STK32C: variants seen among roughly 807,000 people sequenced by gnomAD.
STK32C encodes serine/threonine kinase 32C.
STK32C carries 31 observed loss-of-function variants against 56.5 expected under a neutral mutation model. That is an observed-to-expected ratio of 0.55 (90% CI 0.41 to 0.74). STK32C has a LOEUF of 0.74. Ranked by LOEUF, STK32C falls within the 30% of genes least tolerant of loss-of-function variation. The pLI, the probability that STK32C is intolerant of heterozygous loss-of-function variation, is 0.00. For synonymous variants in STK32C, 309 were observed against 289.4 expected (o/e 1.07, Z -0.69); for missense variants, 544 against 676.9 (o/e 0.80, Z 2.18).
chr10:132,313,396 C>T (rs549900425), intron 1 of STK32C, among the ~76,000 whole-genome samples: 34 of 152,360 alleles, frequency 2.2e-4, no homozygotes, highest in South Asian at 8.3e-4. Context: ...ACGGGCCACA[C>T]GACAGACATT....
At chr10:132,247,709 G>A (rs903589603) in intron 1 of STK32C, among the ~76,000 whole-genome samples, 1 of 152,182 alleles carries the variant, frequency 6.6e-6, no homozygotes, top group Non-Finnish European at 1.5e-5. Context: ...GTGAGGAAGG[G>A]GCTGTGACCT....
chr10:132,234,876 G>T (rs529610144), intron 2 of STK32C, among the ~76,000 whole-genome samples: 1 of 152,376 alleles, frequency 6.6e-6, no homozygotes, highest in East Asian at 1.9e-4. Flanking sequence ...GCCCACCGGG[G>T]CAGGTGGGAA....
In STK32C at chr10:132,318,219, G is replaced by C. The variant is rs2066342616; in HGVS notation, c.301+13217C>G. On this transcript the variant is annotated intron_variant, in intron 1 of 3. Transcript: ENST00000368620. ...GGAGGTGGAGGTTGCAGTGAGCCAAGATCGCGCCACTGCACTCCAGCCTGG... is the reference window on the plus strand; with the variant it reads ...GGAGGTGGAGGTTGCAGTGAGCCAACATCGCGCCACTGCACTCCAGCCTGG... 2.0e-5 allele frequency among the ~76,000 whole-genome samples: 3 copies of C among 151,898 alleles called. No individual in the cohort carries two copies. In the South Asian group the frequency reaches 6.2e-4, roughly 32 times the overall value.
chr10:132,246,048 T>G, intron 1 of STK32C, 93 bp from the exon 2 acceptor site: 3 of 1,225,232 alleles, frequency 2.4e-6, no homozygotes, highest in South Asian at 2.4e-5. Flanking sequence ...ACCCCGACAC[T>G]GCCCAGGGCC....
intron 1 of STK32C, among the ~76,000 whole-genome samples, chr10:132,329,978 C>G (rs982102517): frequency 1.6e-5 from 2 of 124,816 alleles, no homozygotes; most frequent in Admixed American, 1.5e-4. Flanking sequence ...TAGCAGCAGT[C>G]GCTGCCCGGA....
Position 132,225,258 on chromosome 10 carries a change from A to T in STK32C, c.851T>A (p.Met284Lys). ...CCATCCTCGCAGCAGCTCATAGGCC[A>T]TCACCCCCACCGACCACCAGTCCAC... ...FEVDWWSVGVMAYELLRGWRP... is the reference protein window; with the variant it reads ...FEVDWWSVGVKAYELLRGWRP... The change falls in exon 7 of 12, where the codon ATG (methionine) becomes AAG (lysine). Residue 284 changes from methionine (M) to lysine (K), a missense_variant. Coordinates refer to ENST00000298630, the MANE Select transcript of STK32C (RefSeq NM_173575.4). 1 of 1,611,896 alleles carries T rather than the reference A, an allele frequency of 6.2e-7. No homozygotes were observed.
At chr10:132,327,088 T>G (rs1229385204) in intron 1 of STK32C, among the ~76,000 whole-genome samples, 1 of 152,196 alleles carries the variant, frequency 6.6e-6, no homozygotes, top group Non-Finnish European at 1.5e-5. Context: ...TTTGGCTGTG[T>G]CTCCACTCAA....
At chr10:132,303,393 T>C (rs565787111) in intron 1 of STK32C, among the ~76,000 whole-genome samples, 1 of 152,272 alleles carries the variant, frequency 6.6e-6, no homozygotes, top group African/African-American at 2.4e-5. Flanking sequence ...TGCTGTCACA[T>C]AAAGGCAAGG....
At chr10:132,284,561 G>A (rs1178749392) in intron 1 of STK32C, among the ~76,000 whole-genome samples, 1 of 152,146 alleles carries the variant, frequency 6.6e-6, no homozygotes, top group Non-Finnish European at 1.5e-5. Context: ...TCGACTGCAT[G>A]GGCCTTTCCC....
chr10:132,246,068 A>G, intron 1 of STK32C, 113 bp from the exon 2 acceptor site: 1 of 1,091,614 alleles, frequency 9.2e-7, no homozygotes, highest in Non-Finnish European at 1.4e-6. Flanking sequence ...CCCTCATCCT[A>G]GAAGAGGGTC....
At chr10:132,211,961 C>T (rs1565059915) in intron 10 of STK32C, among the ~76,000 whole-genome samples, 2 of 152,170 alleles carry the variant, frequency 1.3e-5, no homozygotes, top group Admixed American at 6.5e-5. Context: ...TCTCAGGGCA[C>T]CTGTGGCACC....
chr10:132,275,776 A>G (rs2064977816), intron 1 of STK32C, among the ~76,000 whole-genome samples: 1 of 152,130 alleles, frequency 6.6e-6, no homozygotes, highest in African/African-American at 2.4e-5. Context: ...GTCCCCTTCC[A>G]TTAGAGAAAC....
At chr10:132,226,641 G>T (rs966737788) in intron 4 of STK32C, among the ~76,000 whole-genome samples, 154 bp downstream of exon 4, 3 of 152,204 alleles carry the variant, frequency 2.0e-5, no homozygotes, top group Non-Finnish European at 4.4e-5. Context: ...GTCGGCACAG[G>T]TGCCACAGCT....
At chr10:132,212,083 G>T (rs1273180772) in intron 10 of STK32C, among the ~76,000 whole-genome samples, 1 of 152,100 alleles carries the variant, frequency 6.6e-6, no homozygotes, top group Non-Finnish European at 1.5e-5. Flanking sequence ...CTGCTTGGCA[G>T]CTCAGATGCA....
upstream of STK32C, among the ~76,000 whole-genome samples, chr10:132,312,917 G>A (rs1158562418): frequency 1.3e-5 from 2 of 152,176 alleles, no homozygotes; most frequent in African/African-American, 4.8e-5. Context: ...GCACACGCCT[G>A]TAATACCAGC....
chr10:132,263,172 A>G (rs1417674059), intron 1 of STK32C, among the ~76,000 whole-genome samples: 1 of 152,246 alleles, frequency 6.6e-6, no homozygotes, highest in Non-Finnish European at 1.5e-5. Context: ...TCACAACAGC[A>G]ATGACGTGAA....
intron 1 of STK32C, among the ~76,000 whole-genome samples, chr10:132,291,441 G>A (rs1230268533): frequency 2.0e-5 from 3 of 152,156 alleles, no homozygotes; most frequent in Non-Finnish European, 4.4e-5. Flanking sequence ...TCGTGGCCTT[G>A]GAAGAAAGAA....
chr10:132,320,253 G>A (rs1224527069), downstream of STK32C, among the ~76,000 whole-genome samples: 5 of 152,114 alleles, frequency 3.3e-5, no homozygotes, highest in Non-Finnish European at 5.9e-5. Flanking sequence ...CCACTTTCAT[G>A]CTGGTTAAAG....
In STK32C at chr10:132,295,865, G is replaced by A. The variant is rs1416826021; in HGVS notation, c.262+11707C>T. ...GCCACTGCACTCCAGCCCGGGCGAC[G>A]GAGCAAGATTCCATCTTAAAAAAAA... On this transcript the variant is annotated intron_variant, in intron 1 of 11. Transcript: ENST00000298630. Among the ~76,000 whole-genome samples, 11 of 152,044 alleles carry A rather than the reference G, an allele frequency of 7.2e-5. 1 individual carries two copies. In the South Asian group the frequency reaches 1.0e-3, roughly 14 times the overall value.
Sources: gnomAD v4.1 joint callset for allele counts (sites outside exome capture counted in the v4.1 genomes callset) on GRCh38, gnomAD v4.1.1 for gene constraint, MANE v1.5 for transcripts, NCBI Gene and HGNC (gene_info 2026-07-23, HGNC 2026-07-21) for gene names.